The following CATSPERD variants were observed in gnomAD, a reference collection of about 807,000 sequenced individuals.
CATSPERD encodes catsper channel auxiliary subunit delta.
A neutral mutation model predicts 98.1 loss-of-function variants in CATSPERD; 86 were observed. The observed-to-expected ratio is 0.88, with a 90% CI of 0.74 to 1.05. CATSPERD has a LOEUF of 1.05. Ranked by LOEUF, CATSPERD falls within the 50% of genes least tolerant of loss-of-function variation. CATSPERD has a pLI of 0.00. For synonymous variants in CATSPERD, 394 were observed against 390.2 expected (o/e 1.01, Z -0.12); for missense variants, 995 against 1,005.7 (o/e 0.99, Z 0.14).
intron 12 of CATSPERD, among the ~76,000 whole-genome samples, chr19:5,752,656 G>A (rs779309699): frequency 6.6e-6 from 1 of 152,052 alleles, no homozygotes; most frequent in Admixed American, 6.6e-5. Flanking sequence ...CAGAGGAATG[G>A]GTTCACCTGC....
chr19:5,766,530 G>A (rs554222631), intron 17 of CATSPERD, among the ~76,000 whole-genome samples: 6 of 151,968 alleles, frequency 3.9e-5, no homozygotes, highest in Admixed American at 3.9e-4. Context: ...AGTTGACAGG[G>A]CACGATTAGC....
chr19:5,729,033 T>C lies in CATSPERD; in HGVS notation c.204-839T>C, dbSNP rs561200156. On this transcript the variant is annotated intron_variant, in intron 3 of 21. Transcript: ENST00000381624. ...CTCTCTCTCTCTCTTTTTTAAAGGC[T>C]ATTATGAGAAATGCCATTCATGATG... Among the ~76,000 whole-genome samples the C allele has an allele frequency of 2.6e-5, 4 of 150,984 alleles. No individual in the cohort carries two copies. In the Admixed American group the frequency reaches 2.7e-4, roughly 10 times the overall value.
At chr19:5,746,519 C>A (rs559493058) in intron 9 of CATSPERD, among the ~76,000 whole-genome samples, 20 of 152,188 alleles carry the variant, frequency 1.3e-4, no homozygotes, top group African/African-American at 4.8e-4. Context: ...AGCTCCGCCT[C>A]CCGGGTTCAC....
intron 17 of CATSPERD, among the ~76,000 whole-genome samples, chr19:5,767,889 C>T (rs1222065032): frequency 6.6e-6 from 1 of 152,078 alleles, no homozygotes; most frequent in Non-Finnish European, 1.5e-5. Flanking sequence ...CTCCGCCTCC[C>T]AGGTTCAAGT....
rs766115273 is a variant in CATSPERD, at chr19:5,757,932, G to A, written c.1368G>A (p.Leu456=). 6.2e-7 allele frequency: 1 copy of A among 1,610,676 alleles called. No homozygotes were observed. Among genetic ancestry groups the A allele is most frequent in the South Asian group, 1.1e-5 (1 of 90,652 alleles). Residue 456 remains leucine, a splice_region_variant and synonymous_variant, in exon 14 of 22, where the codon CTG becomes CTA. Coordinates refer to ENST00000381624, the MANE Select transcript of CATSPERD (RefSeq NM_152784.4). ...YTSDGNTKYK[L]DIFLKQQQHW... ...CAGATGGGAACACCAAGTACAAACT[G>A]GTGAGCCGCGTCCCCACCAAACCCT...
At position 5,763,195 on chromosome 19, in the gene CATSPERD, C is replaced by T. The variant is rs754386925; in HGVS notation, c.1428-20C>T. The T allele has an allele frequency of 1.9e-6, 3 of 1,606,884 alleles. No individual in the cohort carries two copies. The highest frequency in any genetic ancestry group is 2.6e-6 in the Non-Finnish European group (3 of 1,173,786). On this transcript the variant is annotated intron_variant, in intron 15 of 21. Coordinates refer to ENST00000381624, the MANE Select transcript of CATSPERD (RefSeq NM_152784.4). ...ACAGGGGTGCTATTCTCTAATAACA[C>T]AGGTTCCGTTGCCTTGCAGTTTAAA... is the stretch of plus-strand genomic sequence containing the variant.
rs1373461652 is a variant in CATSPERD, at chr19:5,763,298, G to T, written c.1506+5G>T. The T allele has an allele frequency of 1.2e-6, 2 of 1,611,792 alleles. No individual in the cohort carries two copies. Among genetic ancestry groups the T allele is most frequent in the South Asian group, 2.2e-5 (2 of 91,044 alleles). On this transcript the variant is annotated splice_donor_5th_base_variant and intron_variant, in intron 16 of 21. Transcript: ENST00000381624. ...TGTGTGGATATCAAGCCACTGGTAG[G>T]TCCCAAATCTTTGCTGTCCCATATT...
chr19:5,750,621 A>G lies in CATSPERD; in HGVS notation c.988-1026A>G, dbSNP rs2056193814. On this transcript the variant is annotated intron_variant, in intron 11 of 21. Coordinates refer to ENST00000381624, the MANE Select transcript of CATSPERD (RefSeq NM_152784.4). ...CTGGGCATGGTGGTGCATGCCTGTA[A>G]TCCCAGCTACTCGTGAGGCAGGAGA... is the stretch of plus-strand genomic sequence containing the variant. 2.0e-5 allele frequency among the ~76,000 whole-genome samples: 3 copies of G among 149,536 alleles called. No homozygotes were observed. The South Asian group carries it at 6.4e-4, about 32-fold the overall frequency.
chr19:5,754,200 G>C lies in CATSPERD; in HGVS notation c.1233G>C (p.Leu411Phe), dbSNP rs756092299. ...YTIDMHSQLE[L>F]TASLIPQPGT... ...TTGACATGCACAGCCAGCTGGAATT[G>C]ACTGCTTCGTTGATACCCCAGCCAG... Residue 411 changes from leucine (L) to phenylalanine (F), a missense_variant, in exon 13 of 22, where the codon TTG becomes TTC. This residue lies in a region of CATSPERD where 762 missense variants were observed against 773.7 expected (regional missense o/e 0.98). Transcript: ENST00000381624. The C allele has an allele frequency of 3.7e-6, 6 of 1,613,922 alleles. No homozygotes were observed. Among genetic ancestry groups the C allele is most frequent in the Non-Finnish European group, 4.2e-6 (5 of 1,179,942 alleles).
chr19:5,745,342 G>C (rs1433204821), intron 8 of CATSPERD, among the ~76,000 whole-genome samples: 2 of 152,100 alleles, frequency 1.3e-5, no homozygotes, highest in Non-Finnish European at 2.9e-5. Flanking sequence ...AATGAGGCCG[G>C]GTGCAGTGGC....
intron 5 of CATSPERD, among the ~76,000 whole-genome samples, chr19:5,736,775 A>G (rs2055854756): frequency 6.6e-6 from 1 of 151,560 alleles, no homozygotes; most frequent in South Asian, 2.1e-4. Context: ...AAACTTTTCT[A>G]GGCCAGGTGT....
chr19:5,735,949 T>G (rs536786230), intron 5 of CATSPERD, among the ~76,000 whole-genome samples: 1 of 151,266 alleles, frequency 6.6e-6, no homozygotes, highest in Admixed American at 6.6e-5. Flanking sequence ...CCTAGCTAAT[T>G]TTTTGTATTT....
At chr19:5,747,162 G>C (rs964435590) in intron 9 of CATSPERD, among the ~76,000 whole-genome samples, 8 of 140,506 alleles carry the variant, frequency 5.7e-5, no homozygotes, top group African/African-American at 2.1e-4. Context: ...TCCTCACAAT[G>C]GTTTCCCTTT....
Position 5,750,170 on chromosome 19 carries a change from C to T in CATSPERD, c.987+987C>T, listed in dbSNP as rs900858073. ...TTTAAAATAAAAGAATTATTTTGGC[C>T]GGGCGTGGTGGCTCACGCCTGTAAT... On this transcript the variant is annotated intron_variant, in intron 11 of 21. Transcript: ENST00000381624. Among the ~76,000 whole-genome samples the T allele has an allele frequency of 8.3e-5, 12 of 144,208 alleles. No individual in the cohort carries two copies. In the East Asian group the frequency reaches 9.4e-4, roughly 11 times the overall value. The allele number at this position is 144,208 out of a possible 152,430, so 94.6% of individuals were successfully genotyped here.
intron 19 of CATSPERD, among the ~76,000 whole-genome samples, 169 bp from the exon 20 acceptor site, chr19:5,772,619 C>T (rs560103615): frequency 1.3e-5 from 2 of 152,062 alleles, no homozygotes; most frequent in Non-Finnish European, 2.9e-5. Context: ...CTGGCCTCCC[C>T]GCAGCCCACA....
Position 5,759,120 on chromosome 19 carries a change from G to C in CATSPERD, c.1403G>C (p.Arg468Thr). 1 of 1,613,922 alleles carries C rather than the reference G, an allele frequency of 6.2e-7. No homozygotes were observed. The highest frequency in any genetic ancestry group is 1.1e-5 in the South Asian group (1 of 91,080). The part of the protein sequence containing the change: ...IFLKQQQHWG[R>T]TDSNFTSSLK... Reference sequence around the variant, plus strand: ...CTAAAACAGCAGCAGCACTGGGGCAGGACCGACTCCAACTTCACTTCCAGG... The same window carrying C: ...CTAAAACAGCAGCAGCACTGGGGCACGACCGACTCCAACTTCACTTCCAGG... Residue 468 changes from arginine (R) to threonine (T), a missense_variant, in exon 15 of 22, where the codon AGG becomes ACG. Coordinates refer to ENST00000381624, the MANE Select transcript of CATSPERD (RefSeq NM_152784.4).
intron 15 of CATSPERD, among the ~76,000 whole-genome samples, chr19:5,762,973 ATGGG>A (rs1399188917): frequency 1.3e-5 from 2 of 150,402 alleles, no homozygotes; most frequent in Non-Finnish European, 3.0e-5. Flanking sequence ...GGATGGATGG[ATGGG>A]TGGGTGGATG....
Position 5,754,118 on chromosome 19 carries a change from G to T in CATSPERD, c.1165-14G>T. On this transcript the variant is annotated splice_polypyrimidine_tract_variant and intron_variant, in intron 12 of 21. Transcript: ENST00000381624. ...AGGAGCATGATTATCTTTCTTCTTC[G>T]CCTTTTTAACTAGATAGAGTTTCTG... 1.3e-6 allele frequency: 2 copies of T among 1,531,530 alleles called. No homozygotes were observed. Among genetic ancestry groups the T allele is most frequent in the Middle Eastern group, 1.7e-4 (1 of 5,904 alleles). The allele number at this position is 1,531,530 out of a possible 1,614,324, so 94.9% of individuals were successfully genotyped here. A position where few individuals can be genotyped will look rare whatever the true frequency, so the allele number is the denominator to read the frequency against.
chr19:5,768,085 A>C, intron 17 of CATSPERD, 83 bp from the exon 18 acceptor site: 1 of 1,300,400 alleles, frequency 7.7e-7, no homozygotes. Flanking sequence ...CACCACGCCC[A>C]GCCCCTCCCT....
Sources: allele counts gnomAD v4.1 joint callset (sites outside exome capture counted in the v4.1 genomes callset), GRCh38; gene constraint gnomAD v4.1.1; regional missense constraint gnomAD v4.1.1; transcripts MANE v1.5; gene names NCBI Gene and HGNC (gene_info 2026-07-23, HGNC 2026-07-21).